Variants in TAFA4 observed in about 807,000 individuals in gnomAD.
TAFA4 encodes the protein chemokine-like protein TAFA-4.
TAFA4 carries 20 observed loss-of-function variants against 21.1 expected under a neutral mutation model. That is an observed-to-expected ratio of 0.95 (90% CI 0.67 to 1.38). The LOEUF (loss-of-function observed/expected upper bound fraction) is 1.38, where lower values mean the gene tolerates loss of function less well. TAFA4 is among the 40% of genes most tolerant of loss of function. The pLI, the probability that TAFA4 is intolerant of heterozygous loss-of-function variation, is 0.00. For synonymous variants in TAFA4, 71 were observed against 67.4 expected (o/e 1.05, Z -0.26); for missense variants, 211 against 180.9 (o/e 1.17, Z -0.95).
intron 3 of TAFA4, among the ~76,000 whole-genome samples, chr3:68,758,119 G>C (rs1297995167): frequency 1.3e-5 from 2 of 152,208 alleles, no homozygotes; most frequent in African/African-American, 4.8e-5. Flanking sequence ...TTGCTTTATA[G>C]CTTGTATTTT....
chr3:68,786,274 A>C (rs547895167), intron 3 of TAFA4, among the ~76,000 whole-genome samples: 11 of 152,252 alleles, frequency 7.2e-5, no homozygotes, highest in Non-Finnish European at 7.3e-5. Context: ...AAATTTTAAA[A>C]AAAGAAAATT....
intron 3 of TAFA4, among the ~76,000 whole-genome samples, chr3:68,871,214 C>G (rs1463639902): frequency 6.6e-6 from 1 of 151,990 alleles, no homozygotes; most frequent in Non-Finnish European, 1.5e-5. Flanking sequence ...GAGTATATAC[C>G]CAAATGATTA....
At chr3:68,770,007 C>A (rs533562391) in intron 3 of TAFA4, among the ~76,000 whole-genome samples, 1 of 152,250 alleles carries the variant, frequency 6.6e-6, no homozygotes, top group South Asian at 2.1e-4. Context: ...GCCAGAGGTA[C>A]CTTACTATCA....
At chr3:68,894,708 G>C (rs987312770) in intron 1 of TAFA4, among the ~76,000 whole-genome samples, 22 of 152,252 alleles carry the variant, frequency 1.4e-4, no homozygotes, top group African/African-American at 5.1e-4. Context: ...TAATGAAAAA[G>C]AATACTTTAA....
rs144128745 is a variant in TAFA4, at chr3:68,794,335, T to C, written c.131-41317A>G. 7.0e-3 allele frequency among the ~76,000 whole-genome samples: 1,065 copies of C among 152,274 alleles called. 4 individuals are homozygous for C. The highest frequency in any genetic ancestry group is 0.011 in the Admixed American group (167 of 15,304). ...CTGGCTGTTTTCATTTCTCCTGTCA[T>C]AATTTAAAAAGCCACAGGGTAAATA... On this transcript the variant is annotated intron_variant, in intron 3 of 5. Coordinates refer to ENST00000295569, the MANE Select transcript of TAFA4 (RefSeq NM_182522.5).
chr3:68,774,420 A>T (rs1375524666), intron 3 of TAFA4, among the ~76,000 whole-genome samples: 1 of 152,176 alleles, frequency 6.6e-6, no homozygotes, highest in Admixed American at 6.5e-5. Context: ...ATACAGAGGC[A>T]CTGCTTGTGG....
intron 3 of TAFA4, among the ~76,000 whole-genome samples, chr3:68,807,895 A>G (rs76596719): frequency 0.043 from 6,524 of 152,228 alleles, 355 homozygotes; most frequent in East Asian, 0.24. Flanking sequence ...TAACAACAAT[A>G]TGTCCTCTGG....
intron 4 of TAFA4, among the ~76,000 whole-genome samples, chr3:68,740,978 T>C (rs1702338510): frequency 6.6e-6 from 1 of 152,190 alleles, no homozygotes; most frequent in African/African-American, 2.4e-5. Flanking sequence ...TATTTCTGAG[T>C]TGTCTATTCT....
chr3:68,844,218 A>T (rs940022132), intron 3 of TAFA4, among the ~76,000 whole-genome samples: 4 of 152,118 alleles, frequency 2.6e-5, no homozygotes, highest in Non-Finnish European at 4.4e-5. Context: ...CTATTCAGGG[A>T]TTCGACTTCT....
At chr3:68,733,455 G>A (rs536795463) in intron 5 of TAFA4, among the ~76,000 whole-genome samples, 1 of 152,296 alleles carries the variant, frequency 6.6e-6, no homozygotes, top group East Asian at 1.9e-4. Flanking sequence ...CATGCATGCT[G>A]AGCATGCTTT....
intron 4 of TAFA4, among the ~76,000 whole-genome samples, chr3:68,744,201 G>C (rs1232760124): frequency 3.9e-5 from 6 of 152,194 alleles, no homozygotes; most frequent in Admixed American, 6.5e-5. Context: ...GTCTTGACAG[G>C]TGGCCAGAGG....
intron 1 of TAFA4, among the ~76,000 whole-genome samples, chr3:68,930,992 TG>T (rs1382226807): frequency 1.3e-5 from 2 of 151,752 alleles, no homozygotes; most frequent in Non-Finnish European, 2.9e-5. Flanking sequence ...CCTCAGCGAG[TG>T]TTCTAGAGGG....
chr3:68,832,915 G>A (rs764229892), intron 3 of TAFA4, among the ~76,000 whole-genome samples: 22 of 152,200 alleles, frequency 1.4e-4, no homozygotes, highest in Non-Finnish European at 2.8e-4. Flanking sequence ...AGCAAGGGTG[G>A]ACGCCCCTTC....
At position 68,731,973 on chromosome 3, in the gene TAFA4, T is replaced by C. The variant is rs528346344; in HGVS notation, c.*1169A>G. 2 of 152,396 alleles carry C rather than the reference T, an allele frequency of 1.3e-5. No individual in the cohort carries two copies. Among genetic ancestry groups the C allele is most frequent in the East Asian group, 3.9e-4 (2 of 5,186 alleles). The allele number at this position is 152,396 out of a possible 1,614,324, so 9.4% of individuals were successfully genotyped here. A position where few individuals can be genotyped will look rare whatever the true frequency, so the allele number is the denominator to read the frequency against. The stretch of plus-strand genomic sequence containing the variant: ...AATTAACTTGGTGCAGAAACTATGT[T>C]TTTGGCATTTCTTAATATATAAAAT... On this transcript the variant is annotated 3_prime_UTR_variant, in exon 6 of 6. Coordinates refer to ENST00000295569, the MANE Select transcript of TAFA4 (RefSeq NM_182522.5).
chr3:68,797,676 G>C (rs1268072487), intron 3 of TAFA4, among the ~76,000 whole-genome samples: 1 of 151,242 alleles, frequency 6.6e-6, no homozygotes, highest in Non-Finnish European at 1.5e-5. Flanking sequence ...AAGAACATGA[G>C]GATATTATCT....
chr3:68,809,744 C>G (rs1227955684), intron 3 of TAFA4, among the ~76,000 whole-genome samples: 1 of 152,032 alleles, frequency 6.6e-6, no homozygotes, highest in Admixed American at 6.6e-5. Context: ...TGGTGTGAGA[C>G]GAGAATCTAA....
At chr3:68,863,791 G>A (rs1399932169) in intron 3 of TAFA4, among the ~76,000 whole-genome samples, 1 of 151,998 alleles carries the variant, frequency 6.6e-6, no homozygotes, top group Non-Finnish European at 1.5e-5. Context: ...TAATTAGTCT[G>A]GGAATACCAA....
At chr3:68,820,897 A>G (rs987552226) in intron 3 of TAFA4, among the ~76,000 whole-genome samples, 2 of 152,222 alleles carry the variant, frequency 1.3e-5, no homozygotes, top group African/African-American at 4.8e-5. Flanking sequence ...ATGTAAATAC[A>G]CCATAATTTT....
At chr3:68,830,169 T>C (rs1559535972) in intron 3 of TAFA4, among the ~76,000 whole-genome samples, 1 of 152,222 alleles carries the variant, frequency 6.6e-6, no homozygotes, top group East Asian at 1.9e-4. Context: ...TTGAAGGTTT[T>C]TTTGTGTCTC....
Sources: allele counts gnomAD v4.1 joint callset (sites outside exome capture counted in the v4.1 genomes callset), GRCh38; gene constraint gnomAD v4.1.1; transcripts MANE v1.5; gene names NCBI Gene and HGNC (gene_info 2026-07-23, HGNC 2026-07-21).